Variants in PIK3R4 observed in about 807,000 individuals in gnomAD.
The protein encoded by PIK3R4 is phosphoinositide 3-kinase regulatory subunit 4.
In PIK3R4, 46 loss-of-function variants were observed where a neutral mutation model predicts 136.5. The ratio of observed to expected loss-of-function variants is 0.34; its 90% CI spans 0.27 to 0.43. The LOEUF is 0.43. Among genes scored for constraint, PIK3R4 ranks in the 20% least tolerant of loss-of-function variants. The pLI is 1.00. For synonymous variants in PIK3R4, 557 were observed against 566.7 expected (o/e 0.98, Z 0.24); for missense variants, 1,331 against 1,649.5 (o/e 0.81, Z 3.35).
At chr3:130,697,315 C>A (rs1399513012) in intron 13 of PIK3R4, among the ~76,000 whole-genome samples, 1 of 152,044 alleles carries the variant, frequency 6.6e-6, no homozygotes, top group Admixed American at 6.5e-5. Context: ...TCAGGTGATC[C>A]ACCGCCTCAG....
intron 17 of PIK3R4, 92 bp downstream of exon 17, chr3:130,681,399 A>G: frequency 1.2e-6 from 1 of 851,578 alleles, no homozygotes; most frequent in Non-Finnish European, 1.9e-6. Flanking sequence ...ATAACCCAAA[A>G]GCCCAACAGA....
At position 130,745,236 on chromosome 3, in the gene PIK3R4, T is replaced by C. The variant is rs751591557; in HGVS notation, c.-18A>G. On this transcript the variant is annotated 5_prime_UTR_variant, in exon 2 of 20. Coordinates refer to ENST00000356763, the MANE Select transcript of PIK3R4 (RefSeq NM_014602.3). Reference sequence around the variant, plus strand: ...TTTCCCATAATGGCAAGCACCTCTGTGGTCTTTAGTAAGGTTAGGATATAA... The same window carrying C: ...TTTCCCATAATGGCAAGCACCTCTGCGGTCTTTAGTAAGGTTAGGATATAA... The C allele has an allele frequency of 8.3e-6, 13 of 1,575,076 alleles. No individual in the cohort carries two copies. The highest frequency in any genetic ancestry group is 1.0e-5 in the Non-Finnish European group (12 of 1,169,384).
At chr3:130,722,573 C>T (rs1463241613) in intron 7 of PIK3R4, among the ~76,000 whole-genome samples, 1 of 152,066 alleles carries the variant, frequency 6.6e-6, no homozygotes, top group Non-Finnish European at 1.5e-5. Flanking sequence ...AATTAGGCCA[C>T]AGAAGCAATG....
At chr3:130,739,732 A>T (rs965013333) in intron 2 of PIK3R4, among the ~76,000 whole-genome samples, 1 of 152,214 alleles carries the variant, frequency 6.6e-6, no homozygotes, top group Non-Finnish European at 1.5e-5. Context: ...GAAAAAAAAT[A>T]AAAAACTATA....
rs146766830 is a variant in PIK3R4, at chr3:130,718,163, C to A, written c.2127+226G>T. ...AAAAGAAAATATATGAACTACTGTA[C>A]GCTACATTAGATATAACATGATGTA... On this transcript the variant is annotated intron_variant, in intron 8 of 19. Transcript: ENST00000356763. 2.4e-3 allele frequency among the ~76,000 whole-genome samples: 371 copies of A among 152,202 alleles called. 1 individual carries two copies. Among genetic ancestry groups the A allele is most frequent in the Admixed American group, 5.9e-3 (90 of 15,286 alleles).
chr3:130,731,909 G>A lies in PIK3R4; in HGVS notation c.1451-1467C>T, dbSNP rs2066761918. On this transcript the variant is annotated intron_variant, in intron 4 of 19. Coordinates refer to ENST00000356763, the MANE Select transcript of PIK3R4 (RefSeq NM_014602.3). ...GAAGGCTACGTTTGGAGGATGGCTT[G>A]AGCCTGGGAAGTCAAAGCTGCAGTG... Among the ~76,000 whole-genome samples the A allele has an allele frequency of 2.6e-5, 4 of 152,212 alleles. No individual in the cohort carries two copies. The South Asian group carries it at 8.3e-4, about 31-fold the overall frequency.
chr3:130,690,978 A>T (rs1440525083), intron 13 of PIK3R4, among the ~76,000 whole-genome samples: 1 of 142,684 alleles, frequency 7.0e-6, no homozygotes, highest in Non-Finnish European at 1.5e-5. Context: ...ATCACAGCTT[A>T]CTGCAGCCTC....
intron 9 of PIK3R4, among the ~76,000 whole-genome samples, chr3:130,712,202 T>G (rs144834901): frequency 6.6e-6 from 1 of 152,064 alleles, no homozygotes; most frequent in Non-Finnish European, 1.5e-5. Context: ...ATAGAAACAA[T>G]GCTACGCTGG....
intron 13 of PIK3R4, among the ~76,000 whole-genome samples, chr3:130,703,159 C>T (rs1404766612): frequency 6.6e-6 from 1 of 152,150 alleles, no homozygotes; most frequent in Non-Finnish European, 1.5e-5. Flanking sequence ...GGCTCCCCAC[C>T]TCACTCAGAG....
intron 7 of PIK3R4, among the ~76,000 whole-genome samples, chr3:130,720,282 G>A (rs543312776): frequency 5.1e-4 from 78 of 151,804 alleles, no homozygotes; most frequent in African/African-American, 1.7e-3. Context: ...CGCAACCTCC[G>A]CCTCCTGGAT....
intron 9 of PIK3R4, among the ~76,000 whole-genome samples, chr3:130,712,564 G>GA (rs1194719983): frequency 6.6e-6 from 1 of 151,842 alleles, no homozygotes; most frequent in Non-Finnish European, 1.5e-5. Flanking sequence ...GCTACTCAGG[G>GA]GGCTGAGACA....
At chr3:130,721,271 A>G (rs1051364267) in intron 7 of PIK3R4, among the ~76,000 whole-genome samples, 1 of 151,014 alleles carries the variant, frequency 6.6e-6, no homozygotes, top group African/African-American at 2.4e-5. Context: ...TGGGAGGCGG[A>G]GCTTGCAGTG....
At chr3:130,709,085 T>C (rs2066621114) in intron 9 of PIK3R4, among the ~76,000 whole-genome samples, 1 of 152,130 alleles carries the variant, frequency 6.6e-6, no homozygotes, top group Admixed American at 6.6e-5. Context: ...AGGTTCAAAT[T>C]CCAGCCCTAA....
At chr3:130,727,123 T>C (rs567036363) in intron 6 of PIK3R4, among the ~76,000 whole-genome samples, 35 of 152,330 alleles carry the variant, frequency 2.3e-4, no homozygotes, top group Non-Finnish European at 4.9e-4. Flanking sequence ...TGCAGAAATA[T>C]CAATCCTGTT....
chr3:130,734,220 T>A, intron 3 of PIK3R4, 90 bp from the exon 4 acceptor site: 1 of 1,050,626 alleles, frequency 9.5e-7, no homozygotes, highest in Non-Finnish European at 1.4e-6. Flanking sequence ...ACATACGATT[T>A]AAAGGATCTT....
Position 130,686,220 on chromosome 3 carries a change from G to A in PIK3R4, c.3466C>T (p.Leu1156Phe). 2 of 1,601,822 alleles carry A rather than the reference G, an allele frequency of 1.2e-6. No individual in the cohort carries two copies. The highest frequency in any genetic ancestry group is 1.7e-6 in the Non-Finnish European group (2 of 1,169,006). Residue 1156 changes from leucine to phenylalanine, a missense_variant, in exon 15 of 20, where the codon CTC becomes TTC. Around this residue, in one of 2 missense-constraint regions of PIK3R4, gnomAD observed 1,180 missense variants for 1,407.0 expected, o/e 0.84. Transcript: ENST00000356763. The part of the protein sequence containing the change: ...SFAVDIHQCW[L>F]CIGTSSGTMA... ...TTGAAAGTTAGCTTACCAATGCAGA[G>A]CCAGCATTGGTGGATGTCCACAGCA...
rs2066679813 is a variant in PIK3R4 at position 130,718,528 on chromosome 3, A to C, written c.1988T>G (p.Phe663Cys). The C allele has an allele frequency of 6.2e-7, 1 of 1,613,864 alleles. No homozygotes were observed. The highest frequency in any genetic ancestry group is 2.2e-5 in the East Asian group (1 of 44,862). Residue 663 changes from phenylalanine to cysteine, a missense_variant, in exon 8 of 20, where the codon TTC (phenylalanine) becomes TGC (cysteine). Phe to Cys is a radical substitution (Grantham distance 205). This residue lies in a region of PIK3R4 where 1,180 missense variants were observed against 1,407.0 expected (regional missense o/e 0.84). Transcript: ENST00000356763. ...TATCCATAAATTGGGATGACACAGG[A>C]AGGGGGCTAAAGAGGAAAAGAAAAG... ...VYEFASDIAP[F>C]LCHPNLWIRY... is the part of the protein sequence containing the mutation.
intron 4 of PIK3R4, among the ~76,000 whole-genome samples, chr3:130,731,332 T>C (rs2066759077): frequency 6.6e-6 from 1 of 152,188 alleles, no homozygotes; most frequent in Admixed American, 6.5e-5. Flanking sequence ...CCAACATCTC[T>C]GAAATCAAAA....
chr3:130,690,653 A>G lies in PIK3R4; in HGVS notation c.3100T>C (p.Ser1034Pro). 1.3e-6 allele frequency: 2 copies of G among 1,583,446 alleles called. No individual in the cohort carries two copies. Among genetic ancestry groups the G allele is most frequent in the African/African-American group, 1.4e-5 (1 of 73,798 alleles). Reference sequence around the variant, plus strand: ...CCAATTCGGCTGTATGTAAGAATAGATCTGAATGAAAGAAAAATAAAATTC... The same window carrying G: ...CCAATTCGGCTGTATGTAAGAATAGGTCTGAATGAAAGAAAAATAAAATTC... The part of the protein sequence containing the change: ...KMEGKTTTTR[S>P]ILTYSRIGGR... The change falls in exon 14 of 20, where the codon TCT becomes CCT. Residue 1034 changes from serine to proline, a missense_variant and splice_region_variant. Transcript: ENST00000356763.
Sources: gnomAD v4.1 joint callset for allele counts (sites outside exome capture counted in the v4.1 genomes callset) on GRCh38, gnomAD v4.1.1 for gene constraint, gnomAD v4.1.1 regional missense constraint, MANE v1.5 for transcripts, NCBI Gene and HGNC (gene_info 2026-07-23, HGNC 2026-07-21) for gene names.